Variants in CPQ observed in about 807,000 individuals in gnomAD.
CPQ encodes Ser-Met dipeptidase.
In CPQ, 37 loss-of-function variants were observed where a neutral mutation model predicts 45.7. That is an observed-to-expected ratio of 0.81 (90% CI 0.62 to 1.07). The LOEUF is 1.07. Among genes scored for constraint, CPQ ranks in the 50% least tolerant of loss-of-function variants. The pLI, the probability that CPQ is intolerant of heterozygous loss-of-function variation, is 0.00. For synonymous variants in CPQ, 186 were observed against 205.8 expected (o/e 0.90, Z 0.82); for missense variants, 537 against 572.9 (o/e 0.94, Z 0.64).
chr8:97,118,901 G>A (rs943583766), intron 7 of CPQ, among the ~76,000 whole-genome samples: 1 of 152,072 alleles, frequency 6.6e-6, no homozygotes, highest in Admixed American at 6.5e-5. Context: ...GACCAGCCAT[G>A]CTTGTTCATT....
chr8:96,740,192 G>A (rs1810064499), intron 1 of CPQ, among the ~76,000 whole-genome samples: 1 of 151,968 alleles, frequency 6.6e-6, no homozygotes, highest in South Asian at 2.1e-4. Context: ...CTTGTAAGTT[G>A]GATTCCTAGG....
At chr8:97,128,754 A>G (rs1811889491) in intron 7 of CPQ, among the ~76,000 whole-genome samples, 1 of 152,248 alleles carries the variant, frequency 6.6e-6, no homozygotes, top group Non-Finnish European at 1.5e-5. Flanking sequence ...TGTAAGTTGA[A>G]TGAATGCACG....
chr8:96,760,396 G>C (rs1810384259), intron 1 of CPQ, among the ~76,000 whole-genome samples: 1 of 152,156 alleles, frequency 6.6e-6, no homozygotes. Context: ...ACGTATGCAA[G>C]ATTGTAAGTG....
chr8:97,045,707 C>T (rs1268042377), intron 6 of CPQ, among the ~76,000 whole-genome samples: 1 of 152,170 alleles, frequency 6.6e-6, no homozygotes, highest in South Asian at 2.1e-4. Context: ...ATCATTAGGT[C>T]TTTGGGTATT....
chr8:96,769,018 C>T (rs889657205), intron 1 of CPQ, among the ~76,000 whole-genome samples: 1 of 152,236 alleles, frequency 6.6e-6, no homozygotes, highest in African/African-American at 2.4e-5. Context: ...GTAATTAAAT[C>T]TATATATCTC....
intron 1 of CPQ, among the ~76,000 whole-genome samples, chr8:96,703,909 T>C (rs1809500315): frequency 6.6e-6 from 1 of 152,224 alleles, no homozygotes; most frequent in South Asian, 2.1e-4. Context: ...TTTATTCATC[T>C]ATTCAACAAA....
chr8:96,753,769 G>T (rs543833212), intron 1 of CPQ, among the ~76,000 whole-genome samples: 2 of 151,908 alleles, frequency 1.3e-5, no homozygotes, highest in Admixed American at 1.3e-4. Context: ...GTTGTATCTT[G>T]TTTCTTTTCT....
intron 5 of CPQ, among the ~76,000 whole-genome samples, chr8:97,019,092 C>T (rs895511894): frequency 1.3e-5 from 2 of 152,104 alleles, no homozygotes; most frequent in Admixed American, 1.3e-4. Flanking sequence ...CCCCTCAAAA[C>T]ATTTTATCAG....
intron 7 of CPQ, among the ~76,000 whole-genome samples, chr8:97,117,953 C>A (rs577215615): frequency 6.6e-6 from 1 of 152,046 alleles, no homozygotes; most frequent in African/African-American, 2.4e-5. Context: ...TCACACATTC[C>A]CTGGATTGGA....
intron 2 of CPQ, among the ~76,000 whole-genome samples, chr8:96,801,952 A>G (rs1811012022): frequency 6.6e-6 from 1 of 152,204 alleles, no homozygotes; most frequent in Non-Finnish European, 1.5e-5. Flanking sequence ...GAGCTTAATC[A>G]AGTAGAAGTA....
chr8:97,096,861 A>G (rs1209525363), intron 7 of CPQ, among the ~76,000 whole-genome samples: 1 of 152,214 alleles, frequency 6.6e-6, no homozygotes, highest in African/African-American at 2.4e-5. Flanking sequence ...GAAACTTTAA[A>G]CTAACCTATG....
intron 2 of CPQ, among the ~76,000 whole-genome samples, chr8:96,819,096 T>G (rs1811265982): frequency 6.6e-6 from 1 of 152,052 alleles, no homozygotes; most frequent in South Asian, 2.1e-4. Context: ...TCTATGGAAA[T>G]TCCATCACAT....
intron 7 of CPQ, among the ~76,000 whole-genome samples, chr8:97,115,812 C>T (rs1360017157): frequency 2.0e-5 from 3 of 152,270 alleles, no homozygotes; most frequent in African/African-American, 7.2e-5. Context: ...GTCTTTACCT[C>T]TGTGCTTCAC....
chr8:96,782,868 C>A (rs1465563140), intron 1 of CPQ, among the ~76,000 whole-genome samples: 1 of 152,196 alleles, frequency 6.6e-6, no homozygotes, highest in African/African-American at 2.4e-5. Context: ...CAGGCATGGA[C>A]ACACTTTAGC....
At chr8:96,690,909 T>C (rs1439567931) in intron 1 of CPQ, among the ~76,000 whole-genome samples, 1 of 150,032 alleles carries the variant, frequency 6.7e-6, no homozygotes, top group African/African-American at 2.5e-5. Context: ...CAAAGTAAAA[T>C]GCCCTGCTAG....
intron 4 of CPQ, among the ~76,000 whole-genome samples, chr8:96,933,837 G>C (rs1038655334): frequency 1.3e-5 from 2 of 152,188 alleles, no homozygotes; most frequent in African/African-American, 4.8e-5. Context: ...TTCACAACCA[G>C]ATAGTCCGGT....
In CPQ at chr8:96,760,685, T is replaced by G. The variant is rs370805807; in HGVS notation, c.-34-24179T>G. On this transcript the variant is annotated intron_variant, in intron 1 of 7. Transcript: ENST00000220763. ...CAAAGAGAAGAAAAACTGTGGCAAG[T>G]TTTAGGCTACATTGCCTAGCTTATA... Among the ~76,000 whole-genome samples the G allele has an allele frequency of 7.2e-5, 11 of 152,276 alleles. No homozygotes were observed. In the East Asian group the frequency reaches 1.7e-3, roughly 24 times the overall value.
chr8:96,765,243 C>T (rs2130794545), intron 1 of CPQ, among the ~76,000 whole-genome samples: 1 of 152,316 alleles, frequency 6.6e-6, no homozygotes, highest in African/African-American at 2.4e-5. Context: ...AGTTTGGAAA[C>T]AGACGTTGGA....
chr8:96,791,819 C>A (rs1035257390), intron 2 of CPQ, among the ~76,000 whole-genome samples: 2 of 152,048 alleles, frequency 1.3e-5, no homozygotes, highest in African/African-American at 4.8e-5. Context: ...AGTTGTGTGA[C>A]CTTGGTTGCC....
Sources: gnomAD v4.1 joint callset for allele counts (sites outside exome capture counted in the v4.1 genomes callset) on GRCh38, gnomAD v4.1.1 for gene constraint, MANE v1.5 for transcripts, NCBI Gene and HGNC (gene_info 2026-07-23, HGNC 2026-07-21) for gene names.